Variants in ADAMTS2 observed in about 807,000 individuals in gnomAD.
ADAMTS2 encodes the protein ADAM metallopeptidase with thrombospondin type 1 motif 2, also known as A disintegrin and metalloproteinase with thrombospondin motifs 2.
ADAMTS2 carries 50 observed loss-of-function variants against 123.0 expected under a neutral mutation model. The ratio of observed to expected loss-of-function variants is 0.41; its 90% CI spans 0.32 to 0.51. The LOEUF (loss-of-function observed/expected upper bound fraction) is 0.51. Ranked by LOEUF, ADAMTS2 falls within the 20% of genes least tolerant of loss-of-function variation. ADAMTS2 has a pLI of 0.35. For missense variants in ADAMTS2, 1,494 were observed against 1,705.2 expected (o/e 0.88, Z 2.18); for synonymous variants, 678 against 695.4 (o/e 0.98, Z 0.39).
chr5:179,131,306 C>CAAAA (rs553125844), intron 15 of ADAMTS2, among the ~76,000 whole-genome samples: 75 of 22,480 alleles, frequency 3.3e-3, no homozygotes, highest in East Asian at 5.4e-3. Context: ...GAGCGAGACT[C>CAAAA]AAAAAAAAAA....
chr5:179,231,324 G>A (rs369560567), intron 3 of ADAMTS2, among the ~76,000 whole-genome samples: 4 of 152,294 alleles, frequency 2.6e-5, no homozygotes, highest in Non-Finnish European at 4.4e-5. Context: ...GCTGTACAAC[G>A]TTGTGCCTGT....
intron 21 of ADAMTS2, chr5:179,121,365 G>C (rs1016021413): frequency 4.3e-6 from 1 of 233,672 alleles, no homozygotes; most frequent in Non-Finnish European, 8.3e-6. Context: ...GGCTCGGCCC[G>C]GAGGGTCGCC....
chr5:179,279,762 G>C (rs1428645930), intron 2 of ADAMTS2, among the ~76,000 whole-genome samples: 3 of 152,192 alleles, frequency 2.0e-5, no homozygotes, highest in African/African-American at 7.2e-5. Flanking sequence ...TCCCAGGAGT[G>C]GGAAGTATCG....
intron 2 of ADAMTS2, among the ~76,000 whole-genome samples, chr5:179,311,036 C>T (rs1756817606): frequency 6.6e-6 from 1 of 151,670 alleles, no homozygotes; most frequent in African/African-American, 2.4e-5. Context: ...CTCCCCAGCC[C>T]CCCACCCCCC....
chr5:179,121,781 AG>A, intron 20 of ADAMTS2, 31 bp from the exon 21 acceptor site: 1 of 1,483,154 alleles, frequency 6.7e-7, no homozygotes, highest in Non-Finnish European at 9.1e-7. Context: ...CTGCGGCCGC[AG>A]GGCACCAGGC....
intron 5 of ADAMTS2, among the ~76,000 whole-genome samples, chr5:179,176,821 C>T (rs892261251): frequency 3.3e-5 from 5 of 152,208 alleles, no homozygotes; most frequent in African/African-American, 4.8e-5. Context: ...CGGCTCCTTC[C>T]GACGTCTTTG....
Position 179,155,387 on chromosome 5 carries a change from G to A in ADAMTS2, c.1133-468C>T, listed in dbSNP as rs545594711. 6.0e-4 allele frequency among the ~76,000 whole-genome samples: 92 copies of A among 152,266 alleles called. No homozygotes were observed. The highest frequency in any genetic ancestry group is 2.1e-3 in the African/African-American group (89 of 41,574). On this transcript the variant is annotated intron_variant, in intron 6 of 21. Coordinates refer to ENST00000251582, the MANE Select transcript of ADAMTS2 (RefSeq NM_014244.5). The surrounding 1 kb of genome is among the most constrained non-coding windows in gnomAD (Gnocchi z 5.1). The stretch of plus-strand genomic sequence containing the variant: ...CACACCCTCCAAGCCCACCTCCTCT[G>A]GGGGGCGTTTCTTGGGTCTCCCCGT...
At chr5:179,125,275 C>CA in intron 18 of ADAMTS2, 95 bp from the exon 19 acceptor site, 1 of 1,142,682 alleles carries the variant, frequency 8.8e-7, no homozygotes, top group South Asian at 1.2e-5. Context: ...CCCAGGTAGA[C>CA]AGCGAGCACA....
In ADAMTS2 at chr5:179,165,655, G is replaced by A. The variant is rs531226154; in HGVS notation, c.976-6776C>T. ...GCACCCAGCCTCCAGAGCAGGGGGC[G>A]GTAGATGGTGCTGTATGACCGGGGA... On this transcript the variant is annotated intron_variant, in intron 5 of 21. Coordinates refer to ENST00000251582, the MANE Select transcript of ADAMTS2 (RefSeq NM_014244.5). 4.6e-5 allele frequency among the ~76,000 whole-genome samples: 7 copies of A among 152,300 alleles called. No individual in the cohort carries two copies. The East Asian group carries it at 7.8e-4, about 17-fold the overall frequency.
At chr5:179,290,821 C>A (rs756981841) in intron 2 of ADAMTS2, among the ~76,000 whole-genome samples, 1 of 152,096 alleles carries the variant, frequency 6.6e-6, no homozygotes, top group Non-Finnish European at 1.5e-5. Flanking sequence ...TTCCAGGGAT[C>A]GGGGAGCAAG....
chr5:179,141,248 GT>G, intron 10 of ADAMTS2, among the ~76,000 whole-genome samples: 2 of 152,192 alleles, frequency 1.3e-5, no homozygotes, highest in African/African-American at 4.8e-5. Context: ...AATTCTTTCT[GT>G]AAAAGGGCCA....
chr5:179,311,785 C>A (rs574245154), intron 2 of ADAMTS2, among the ~76,000 whole-genome samples: 30 of 152,300 alleles, frequency 2.0e-4, no homozygotes, highest in Admixed American at 1.1e-3. Flanking sequence ...TATCACCCCC[C>A]ACTCGCCCGT....
At chr5:179,148,455 C>T (rs1763292972) in intron 10 of ADAMTS2, among the ~76,000 whole-genome samples, 1 of 152,184 alleles carries the variant, frequency 6.6e-6, no homozygotes, top group Non-Finnish European at 1.5e-5. Flanking sequence ...TCAATTGGGC[C>T]AACTCTGAAA....
intron 3 of ADAMTS2, among the ~76,000 whole-genome samples, chr5:179,222,308 C>T (rs1163835484): frequency 6.6e-6 from 1 of 152,206 alleles, no homozygotes; most frequent in Admixed American, 6.5e-5. Context: ...AGCCCTATTT[C>T]GAGAAGGGAG....
At chr5:179,243,268 T>C (rs1189428361) in intron 3 of ADAMTS2, among the ~76,000 whole-genome samples, 3 of 152,158 alleles carry the variant, frequency 2.0e-5, no homozygotes, top group Non-Finnish European at 4.4e-5. Flanking sequence ...GATCAAACTA[T>C]GTGACAATTT....
intron 2 of ADAMTS2, among the ~76,000 whole-genome samples, chr5:179,281,207 T>A (rs1281439518): frequency 6.6e-6 from 1 of 152,232 alleles, no homozygotes; most frequent in Non-Finnish European, 1.5e-5. Flanking sequence ...GTGATTACCA[T>A]ACCATACATC....
At chr5:179,224,939 C>T (rs1305428107) in intron 3 of ADAMTS2, among the ~76,000 whole-genome samples, 9 of 152,222 alleles carry the variant, frequency 5.9e-5, no homozygotes, top group Non-Finnish European at 1.3e-4. Flanking sequence ...GTTTTGAGCA[C>T]AGTAGGTTCT....
chr5:179,265,916 G>A (rs1766356914), intron 3 of ADAMTS2, among the ~76,000 whole-genome samples: 1 of 152,276 alleles, frequency 6.6e-6, no homozygotes, highest in African/African-American at 2.4e-5. Flanking sequence ...TGGAAAGAGA[G>A]GATGAGCTGA....
chr5:179,128,435 C>G lies in ADAMTS2; in HGVS notation c.2458-317G>C, dbSNP rs1328086428. Among the ~76,000 whole-genome samples, 2 of 152,080 alleles carry G rather than the reference C, an allele frequency of 1.3e-5. No homozygotes were observed. Among genetic ancestry groups the G allele is most frequent in the African/African-American group, 2.4e-5 (1 of 41,396 alleles). On this transcript the variant is annotated intron_variant, in intron 16 of 21. Transcript: ENST00000251582. This position sits in a 1 kb window ranked among gnomAD's most constrained non-coding sequence, Gnocchi z 4.9. ...GAGATGGAGTTTCGCTCTTGTAGCC[C>G]AGGCTGGAGTGTAGTGGCACGATCT...
Sources: allele counts gnomAD v4.1 joint callset (sites outside exome capture counted in the v4.1 genomes callset), GRCh38; gene constraint gnomAD v4.1.1; non-coding constraint Gnocchi (gnomAD v3.1); transcripts MANE v1.5; gene names NCBI Gene and HGNC (gene_info 2026-07-23, HGNC 2026-07-21).